The following CMPK1 variants were observed in gnomAD, a reference collection of about 807,000 sequenced individuals.
The protein encoded by CMPK1 is cytidine/uridine monophosphate kinase 1.
CMPK1 carries 10 observed loss-of-function variants against 25.7 expected under a neutral mutation model. That is an observed-to-expected ratio of 0.39 (90% CI 0.24 to 0.66). The LOEUF is 0.66. Among genes scored for constraint, CMPK1 ranks in the 30% least tolerant of loss-of-function variants. The pLI is 0.48. For synonymous variants in CMPK1, 106 were observed against 101.5 expected, an observed-to-expected ratio of 1.04 and a Z score of -0.27; for missense variants, 199 against 280.5, an observed-to-expected ratio of 0.71 and a Z score of 2.08.
chr1:47,337,599 A>C (rs1646408394), intron 1 of CMPK1, among the ~76,000 whole-genome samples: 1 of 150,584 alleles, frequency 6.6e-6, no homozygotes, highest in African/African-American at 2.4e-5. Context: ...CTGGCTAGAC[A>C]GACACTGGAA....
At chr1:47,358,777 ATG>A in intron 1 of CMPK1, 2 of 984,094 alleles carry the variant, frequency 2.0e-6, no homozygotes, top group Non-Finnish European at 2.4e-6. Flanking sequence ...CTCAAATGTT[ATG>A]TTTGCTTAAT....
chr1:47,345,942 A>G (rs1488737106), intron 1 of CMPK1, among the ~76,000 whole-genome samples: 1 of 149,754 alleles, frequency 6.7e-6, no homozygotes, highest in East Asian at 2.0e-4. Context: ...TTTGGTAGAG[A>G]TGGGGATTCA....
At chr1:47,341,206 T>G (rs917831582) in intron 1 of CMPK1, among the ~76,000 whole-genome samples, 1 of 152,248 alleles carries the variant, frequency 6.6e-6, no homozygotes, top group African/African-American at 2.4e-5. Flanking sequence ...CTGCTTGTTA[T>G]GAACTGCTTT....
chr1:47,359,995 T>TGAGA (rs1367961160), intron 1 of CMPK1, among the ~76,000 whole-genome samples: 2 of 152,218 alleles, frequency 1.3e-5, no homozygotes, highest in East Asian at 3.8e-4. Context: ...TAGTGATACA[T>TGAGA]GAGAGACTTC....
chr1:47,360,455 T>C (rs1174939894), intron 1 of CMPK1, among the ~76,000 whole-genome samples: 2 of 152,172 alleles, frequency 1.3e-5, no homozygotes, highest in East Asian at 3.9e-4. Flanking sequence ...CTTACATAGA[T>C]GAGGAAACAA....
At chr1:47,345,284 A>G (rs1376024241) in intron 1 of CMPK1, among the ~76,000 whole-genome samples, 2 of 150,798 alleles carry the variant, frequency 1.3e-5, no homozygotes, top group Non-Finnish European at 3.0e-5. Flanking sequence ...AAGACTCTCA[A>G]ACGTTCTCAG....
At chr1:47,352,099 T>A (rs1210693070) in intron 1 of CMPK1, among the ~76,000 whole-genome samples, 1 of 152,166 alleles carries the variant, frequency 6.6e-6, no homozygotes, top group Admixed American at 6.5e-5. Context: ...ATTGCGCCAC[T>A]GCACTCCAGC....
rs991098881 is a variant in CMPK1, at chr1:47,373,072, G to A, written c.436G>A (p.Val146Ile). The A allele has an allele frequency of 1.1e-5, 17 of 1,609,258 alleles. No individual in the cohort carries two copies. The East Asian group carries it at 3.8e-4, about 36-fold the overall frequency. Reference protein sequence around the residue: ...WNKTMDGKADVSFVLFFDCNN... With the variant: ...WNKTMDGKADISFVLFFDCNN... ...CAAGACCATGGATGGGAAGGCAGATGTATCTTTCGTTCTCTTTTTTGACTG... is the reference window on the plus strand; with the variant it reads ...CAAGACCATGGATGGGAAGGCAGATATATCTTTCGTTCTCTTTTTTGACTG... Residue 146 changes from valine (V) to isoleucine (I), a missense_variant, in exon 3 of 6, where the codon GTA becomes ATA. By Grantham distance (29) the Val-to-Ile change is conservative. Transcript: ENST00000371873.
intron 1 of CMPK1, among the ~76,000 whole-genome samples, chr1:47,354,436 A>G (rs1433344016): frequency 6.6e-6 from 1 of 152,220 alleles, no homozygotes; most frequent in Non-Finnish European, 1.5e-5. Flanking sequence ...CAATTTTGGA[A>G]GTACACAAAG....
intron 1 of CMPK1, among the ~76,000 whole-genome samples, chr1:47,337,524 A>G (rs1448201955): frequency 1.3e-5 from 2 of 152,118 alleles, no homozygotes; most frequent in Non-Finnish European, 2.9e-5. Flanking sequence ...GTTGCCATAA[A>G]CTTTATTAAG....
intron 1 of CMPK1, among the ~76,000 whole-genome samples, chr1:47,363,404 G>A (rs147873127): frequency 0.016 from 2,462 of 152,210 alleles, 75 homozygotes; most frequent in African/African-American, 0.056. Flanking sequence ...GAGGCGGGTG[G>A]ATCATTTGAG....
chr1:47,334,929 CT>C (rs906187809), intron 1 of CMPK1, among the ~76,000 whole-genome samples: 1 of 152,092 alleles, frequency 6.6e-6, no homozygotes, highest in Admixed American at 6.5e-5. Flanking sequence ...AATGCTGTTA[CT>C]TTTTTTTCTT....
chr1:47,356,180 A>T (rs939034200), intron 1 of CMPK1, among the ~76,000 whole-genome samples: 1 of 151,990 alleles, frequency 6.6e-6, no homozygotes, highest in African/African-American at 2.4e-5. Flanking sequence ...CCTGGCGTTT[A>T]GTTTTGTTGT....
At chr1:47,354,599 CTTTT>C (rs34592236) in intron 1 of CMPK1, among the ~76,000 whole-genome samples, 1 of 105,470 alleles carries the variant, frequency 9.5e-6, no homozygotes, top group Non-Finnish European at 1.9e-5. Flanking sequence ...TTGTGACTTG[CTTTT>C]TTTTTTTTTT....
chr1:47,352,718 A>T (rs1646531582), intron 1 of CMPK1, among the ~76,000 whole-genome samples: 1 of 152,042 alleles, frequency 6.6e-6, no homozygotes. Context: ...TAAGATTACC[A>T]CTTCTTAGGT....
At chr1:47,373,530 C>A (rs1202537272) in intron 3 of CMPK1, 1 of 153,204 alleles carries the variant, frequency 6.5e-6, no homozygotes, top group Admixed American at 6.5e-5. Flanking sequence ...GGTGCGGTGG[C>A]TCACGCTTGT....
intron 2 of CMPK1, among the ~76,000 whole-genome samples, chr1:47,372,096 T>A (rs542372290): frequency 1.1e-4 from 16 of 148,190 alleles, no homozygotes; most frequent in African/African-American, 3.9e-4. Context: ...TTTTTCCTAT[T>A]TTTTTTTTTT....
intron 1 of CMPK1, among the ~76,000 whole-genome samples, chr1:47,343,573 T>C (rs1026443301): frequency 1.3e-5 from 2 of 151,030 alleles, no homozygotes; most frequent in Non-Finnish European, 2.9e-5. Context: ...TCAGAAAACA[T>C]TTTTTGAGAG....
At chr1:47,370,402 G>T (rs1438935063) in intron 2 of CMPK1, among the ~76,000 whole-genome samples, 1 of 151,640 alleles carries the variant, frequency 6.6e-6, no homozygotes, top group Non-Finnish European at 1.5e-5. Flanking sequence ...ACTTTGGGAG[G>T]CCGAGGCAGG....
Sources: gnomAD v4.1 joint callset for allele counts (sites outside exome capture counted in the v4.1 genomes callset) on GRCh38, gnomAD v4.1.1 for gene constraint, MANE v1.5 for transcripts, NCBI Gene and HGNC (gene_info 2026-07-23, HGNC 2026-07-21) for gene names.